The following RXFP2 variants were observed in gnomAD, a reference collection of about 807,000 sequenced individuals.
RXFP2 encodes relaxin family peptide receptor 2, also known as relaxin receptor 2.
Under a neutral mutation model 88.6 loss-of-function variants are expected in RXFP2, and 68 were observed. That is an observed-to-expected ratio of 0.77 (90% CI 0.63 to 0.94). The LOEUF (loss-of-function observed/expected upper bound fraction) is 0.94, where lower values mean the gene tolerates loss of function less well. RXFP2 is among the 40% of genes least tolerant of loss of function. RXFP2 has a pLI of 0.00. For missense variants in RXFP2, 791 were observed against 893.9 expected (o/e 0.88, Z 1.47); for synonymous variants, 329 against 306.8 (o/e 1.07, Z -0.76).
chr13:31,801,902 C>T (rs928821211), intron 17 of RXFP2, among the ~76,000 whole-genome samples: 3 of 152,172 alleles, frequency 2.0e-5, no homozygotes, highest in African/African-American at 7.2e-5. Context: ...AATGTTTTCA[C>T]ATATTTCCTG....
chr13:31,787,213 G>C (rs1873584319), intron 13 of RXFP2, among the ~76,000 whole-genome samples: 1 of 152,198 alleles, frequency 6.6e-6, no homozygotes, highest in South Asian at 2.1e-4. Context: ...CTGGCTAAAG[G>C]TTGTTTGTTT....
intron 3 of RXFP2, among the ~76,000 whole-genome samples, chr13:31,763,229 C>T (rs1053123280): frequency 4.6e-5 from 7 of 152,004 alleles, no homozygotes; most frequent in African/African-American, 1.7e-4. Context: ...GGACCACAGA[C>T]ATGCACCACC....
At chr13:31,749,334 T>C (rs982532481) in intron 1 of RXFP2, among the ~76,000 whole-genome samples, 3 of 152,236 alleles carry the variant, frequency 2.0e-5, no homozygotes, top group East Asian at 1.9e-4. Context: ...GCCTGAACTA[T>C]TGTACCATTA....
At chr13:31,788,670 T>C (rs1041868145) in intron 13 of RXFP2, among the ~76,000 whole-genome samples, 1 of 152,178 alleles carries the variant, frequency 6.6e-6, no homozygotes, top group African/African-American at 2.4e-5. Flanking sequence ...ACCTTCATGG[T>C]TTTCCATCCT....
Position 31,792,931 on chromosome 13 carries a change from T to G in RXFP2, c.1629T>G (p.Ile543Met). 1 of 1,614,122 alleles carries G rather than the reference T, an allele frequency of 6.2e-7. No homozygotes were observed. The highest frequency in any genetic ancestry group is 8.5e-7 in the Non-Finnish European group (1 of 1,180,016). ...AACGGCAGACCTCAGTCATCCTCAT[T>G]TGCATCTGGATGGCGGGATTTTTAA... ...PGKRQTSVIL[I>M]CIWMAGFLIA... The change falls in exon 16 of 18, where the codon ATT (isoleucine) becomes ATG (methionine). Residue 543 changes from isoleucine to methionine, a missense_variant. Transcript: ENST00000298386.
At chr13:31,773,529 T>C (rs1250676568) in intron 5 of RXFP2, among the ~76,000 whole-genome samples, 1 of 152,114 alleles carries the variant, frequency 6.6e-6, no homozygotes, top group African/African-American at 2.4e-5. Context: ...GTGTACAGTT[T>C]AGTGGTAGTA....
chr13:31,787,692 T>G (rs1034943663), intron 13 of RXFP2, among the ~76,000 whole-genome samples: 1 of 152,218 alleles, frequency 6.6e-6, no homozygotes, highest in Non-Finnish European at 1.5e-5. Flanking sequence ...CAGGCTAGAG[T>G]GCAATGGCAC....
intron 1 of RXFP2, among the ~76,000 whole-genome samples, chr13:31,756,616 T>A (rs1238972150): frequency 7.6e-6 from 1 of 132,038 alleles, no homozygotes; most frequent in Non-Finnish European, 1.6e-5. Context: ...TTCTGTGAAG[T>A]TCCAATTTTT....
chr13:31,786,721 A>G (rs1215422813), intron 13 of RXFP2, 84 bp downstream of exon 13: 1 of 834,328 alleles, frequency 1.2e-6, no homozygotes, highest in Non-Finnish European at 2.0e-6. Context: ...GGTATTTTGC[A>G]CACAGGAGCA....
chr13:31,763,949 C>G (rs1034081570), intron 3 of RXFP2, among the ~76,000 whole-genome samples: 3 of 152,026 alleles, frequency 2.0e-5, no homozygotes, highest in African/African-American at 4.8e-5. Flanking sequence ...CTAAAAGCAT[C>G]TTTTACATTA....
chr13:31,799,060 G>A (rs989898122), intron 17 of RXFP2, among the ~76,000 whole-genome samples: 9 of 152,174 alleles, frequency 5.9e-5, no homozygotes, highest in South Asian at 2.1e-4. Flanking sequence ...TTGGGGAGGC[G>A]TGTATGTCTT....
chr13:31,745,182 G>A (rs1008449456), intron 1 of RXFP2, among the ~76,000 whole-genome samples: 1 of 149,270 alleles, frequency 6.7e-6, no homozygotes, highest in African/African-American at 2.5e-5. Context: ...AAAAAAAAAA[G>A]CTCTATCATC....
intron 1 of RXFP2, among the ~76,000 whole-genome samples, chr13:31,744,708 G>A (rs948750396): frequency 3.9e-5 from 3 of 76,804 alleles, no homozygotes; most frequent in Non-Finnish European, 9.5e-5. Context: ...CAATTGCTAG[G>A]TTTGTTTTTG....
chr13:31,759,141 C>T (rs765840418), intron 2 of RXFP2, among the ~76,000 whole-genome samples: 5 of 151,746 alleles, frequency 3.3e-5, no homozygotes, highest in South Asian at 2.1e-4. Context: ...GTGCCAGGAG[C>T]TCTCCAAATC....
At chr13:31,801,448 C>A (rs1360896061) in intron 17 of RXFP2, among the ~76,000 whole-genome samples, 5 of 151,964 alleles carry the variant, frequency 3.3e-5, no homozygotes, top group Non-Finnish European at 7.4e-5. Context: ...AGCTAAGTGT[C>A]CGGCCACAGG....
intron 7 of RXFP2, among the ~76,000 whole-genome samples, chr13:31,777,124 G>A (rs895276985): frequency 6.6e-6 from 1 of 152,110 alleles, no homozygotes; most frequent in Non-Finnish European, 1.5e-5. Context: ...GGGTCTTTAA[G>A]TCCAGCAGGA....
At chr13:31,783,793 GTTTTTTGT>G (rs1278622907) in intron 11 of RXFP2, among the ~76,000 whole-genome samples, 1 of 96,004 alleles carries the variant, frequency 1.0e-5, no homozygotes. Flanking sequence ...AAACAGAGGG[GTTTTTTGT>G]TTGTTTGTTT....
At chr13:31,786,261 G>A (rs1873533347) in intron 11 of RXFP2, 122 bp from the exon 12 acceptor site, 1 of 784,434 alleles carries the variant, frequency 1.3e-6, no homozygotes, top group Non-Finnish European at 2.3e-6. Context: ...CAAGTTATCA[G>A]GTTGGTTAAA....
intron 6 of RXFP2, 61 bp from the exon 7 acceptor site, chr13:31,775,257 T>G (rs1445987593): frequency 1.6e-6 from 2 of 1,245,566 alleles, no homozygotes; most frequent in Non-Finnish European, 2.4e-6. Context: ...CATATTCTAA[T>G]TATATGTGAC....
Sources: gnomAD v4.1 joint callset for allele counts (sites outside exome capture counted in the v4.1 genomes callset) on GRCh38, gnomAD v4.1.1 for gene constraint, MANE v1.5 for transcripts, NCBI Gene and HGNC (gene_info 2026-07-23, HGNC 2026-07-21) for gene names.